The following SLC1A7 variants were observed in gnomAD, a reference collection of about 807,000 sequenced individuals.
The protein encoded by SLC1A7 is solute carrier family 1 member 7, also known as excitatory amino acid transporter 5.
In SLC1A7, 40 loss-of-function variants were observed where a neutral mutation model predicts 47.7. The ratio of observed to expected loss-of-function variants is 0.84; its 90% CI spans 0.65 to 1.09. SLC1A7 has a LOEUF of 1.09. Ranked by LOEUF, SLC1A7 falls within the 50% of genes least tolerant of loss-of-function variation. The pLI is 0.00. For missense variants in SLC1A7, 746 were observed against 769.5 expected (o/e 0.97, Z 0.36); for synonymous variants, 323 against 325.6 (o/e 0.99, Z 0.09).
rs116747654 is a variant in SLC1A7 at position 53,139,626 on chromosome 1, C to G, written c.135+2689G>C. Among the ~76,000 whole-genome samples the G allele has an allele frequency of 3.4e-3, 520 of 152,348 alleles. 3 individuals carry two copies. Among genetic ancestry groups the G allele is most frequent in the African/African-American group, 0.012 (492 of 41,576 alleles). ...ACCCTGCCTAGTGCAGCATCTTGCT[C>G]TGTTACGTTCTGGAGTCTGCAAGAC... On this transcript the variant is annotated intron_variant, in intron 1 of 10. Coordinates refer to ENST00000371494, the MANE Select transcript of SLC1A7 (RefSeq NM_006671.6).
intron 2 of SLC1A7, among the ~76,000 whole-genome samples, chr1:53,125,131 C>A (rs539194992): frequency 6.6e-6 from 1 of 152,114 alleles, no homozygotes; most frequent in Non-Finnish European, 1.5e-5. Context: ...TGGCAGCACA[C>A]GGAAGACGGC....
chr1:53,108,314 G>A (rs570559686), intron 3 of SLC1A7: 13 of 433,708 alleles, frequency 3.0e-5, no homozygotes, highest in African/African-American at 1.6e-4. Flanking sequence ...TTGGAAGCTC[G>A]TAAGAAGCCA....
intron 3 of SLC1A7, among the ~76,000 whole-genome samples, chr1:53,106,556 C>G (rs1287033962): frequency 1.3e-5 from 2 of 150,496 alleles, no homozygotes; most frequent in African/African-American, 4.9e-5. Context: ...GCCGAGATCG[C>G]GCCACTGCAC....
At chr1:53,126,731 T>A (rs1644886832) in intron 2 of SLC1A7, among the ~76,000 whole-genome samples, 1 of 152,116 alleles carries the variant, frequency 6.6e-6, no homozygotes, top group South Asian at 2.1e-4. Flanking sequence ...GGACCTCACC[T>A]CACATCTGGT....
chr1:53,109,475 G>A (rs1261966220), intron 3 of SLC1A7, among the ~76,000 whole-genome samples: 1 of 152,212 alleles, frequency 6.6e-6, no homozygotes, highest in Non-Finnish European at 1.5e-5. Context: ...ATGAATTCCT[G>A]TCTTGGAGGG....
intron 2 of SLC1A7, among the ~76,000 whole-genome samples, chr1:53,117,290 G>A (rs1644772598): frequency 6.6e-6 from 1 of 152,208 alleles, no homozygotes; most frequent in Non-Finnish European, 1.5e-5. Context: ...AAGGGATAGA[G>A]AAGATAGGCT....
rs374203405 is a variant in SLC1A7, at chr1:53,092,540, G to T, written c.1031+14C>A. On this transcript the variant is annotated intron_variant, in intron 7 of 10. Coordinates refer to ENST00000371494, the MANE Select transcript of SLC1A7 (RefSeq NM_006671.6). ...CTCCCAGCTCCCCACCGTCCTGCCC[G>T]TCCCCGGGGCTACCTGGAGGAGGTG... 1 of 1,593,182 alleles carries T rather than the reference G, an allele frequency of 6.3e-7. No homozygotes were observed. Among genetic ancestry groups the T allele is most frequent in the Non-Finnish European group, 8.6e-7 (1 of 1,161,402 alleles).
chr1:53,090,942 G>C (rs1307860163), intron 7 of SLC1A7, 136 bp from the exon 8 acceptor site: 2 of 1,531,942 alleles, frequency 1.3e-6, no homozygotes, highest in Admixed American at 4.0e-5. Context: ...TCCGGCAGGA[G>C]GTAAGGACCG....
intron 5 of SLC1A7, among the ~76,000 whole-genome samples, chr1:53,095,049 A>G (rs921076090): frequency 5.3e-5 from 8 of 152,072 alleles, no homozygotes; most frequent in African/African-American, 1.7e-4. Context: ...GCAGATGTGG[A>G]CACTGACAGG....
intron 3 of SLC1A7, among the ~76,000 whole-genome samples, chr1:53,109,326 T>A (rs1382161055): frequency 6.6e-6 from 1 of 152,158 alleles, no homozygotes; most frequent in Non-Finnish European, 1.5e-5. Context: ...CATTACTTAA[T>A]CTCTGTGGTG....
intron 1 of SLC1A7, among the ~76,000 whole-genome samples, chr1:53,135,509 C>A (rs551932226): frequency 6.6e-6 from 1 of 152,366 alleles, no homozygotes; most frequent in Non-Finnish European, 1.5e-5. Context: ...CTGACCCCTT[C>A]CTAGGCCGCT....
chr1:53,107,589 G>T (rs1224383070), intron 3 of SLC1A7, among the ~76,000 whole-genome samples: 1 of 152,248 alleles, frequency 6.6e-6, no homozygotes, highest in Admixed American at 6.5e-5. Context: ...AGCTAAGACA[G>T]ATTGCAATAC....
At chr1:53,124,640 CA>C (rs1012408848) in intron 2 of SLC1A7, among the ~76,000 whole-genome samples, 4 of 152,248 alleles carry the variant, frequency 2.6e-5, no homozygotes, top group Non-Finnish European at 4.4e-5. Context: ...GCCACACACA[CA>C]AACACACATG....
At position 53,103,410 on chromosome 1, in the gene SLC1A7, C is replaced by G. The variant is rs960591661; in HGVS notation, c.633G>C (p.Lys211Asn). The change falls in exon 5 of 11, where the codon AAG becomes AAC. Residue 211 changes from lysine to asparagine, a missense_variant. Lys to Asn is a moderately conservative substitution (Grantham distance 94, BLOSUM62 0). Transcript: ENST00000371494. ...TGCCATCGCTGGTGCCCGGCTCTGA[C>G]TTGTAAACGACCTCGGGCGGCGGGG... ...DLTPPPEVVY[K>N]SEPGTSDGMN... 7.4e-6 allele frequency: 12 copies of G among 1,611,594 alleles called. No individual in the cohort carries two copies. The highest frequency in any genetic ancestry group is 1.0e-5 in the Non-Finnish European group (12 of 1,179,340).
chr1:53,102,161 T>C (rs1644590725), intron 5 of SLC1A7: 1 of 152,304 alleles, frequency 6.6e-6, no homozygotes, highest in African/African-American at 2.4e-5. Context: ...TTTCACACAC[T>C]TGGGTCACCG....
At chr1:53,120,627 A>ATC (rs1261868341) in intron 2 of SLC1A7, among the ~76,000 whole-genome samples, 1 of 152,116 alleles carries the variant, frequency 6.6e-6, no homozygotes, top group Non-Finnish European at 1.5e-5. Context: ...CAGCTTAGAC[A>ATC]TCACTGCCTC....
chr1:53,095,065 G>GCACAGT (rs747018296), intron 5 of SLC1A7, among the ~76,000 whole-genome samples: 12 of 152,202 alleles, frequency 7.9e-5, no homozygotes, highest in Non-Finnish European at 1.6e-4. Flanking sequence ...ACAGGCACAG[G>GCACAGT]CACACACAGA....
chr1:53,113,039 C>T (rs1016458360), intron 3 of SLC1A7, among the ~76,000 whole-genome samples: 1 of 151,998 alleles, frequency 6.6e-6, no homozygotes, highest in Admixed American at 6.5e-5. Flanking sequence ...TCACCACGAC[C>T]CTCTTCCCAC....
At chr1:53,136,546 A>ATATATAAAC (rs1644996516) in intron 1 of SLC1A7, among the ~76,000 whole-genome samples, 1 of 39,552 alleles carries the variant, frequency 2.5e-5, no homozygotes, top group Non-Finnish European at 5.2e-5. Context: ...ACATATATAT[A>ATATATAAAC]ATATATATAA....
Sources: allele counts gnomAD v4.1 joint callset (sites outside exome capture counted in the v4.1 genomes callset), GRCh38; gene constraint gnomAD v4.1.1; transcripts MANE v1.5; gene names NCBI Gene and HGNC (gene_info 2026-07-23, HGNC 2026-07-21).